Variants in PTPRN2 observed in about 807,000 individuals in gnomAD.
The protein encoded by PTPRN2 is receptor-type tyrosine-protein phosphatase N2.
Under a neutral mutation model 118.8 loss-of-function variants are expected in PTPRN2, and 74 were observed. The ratio of observed to expected loss-of-function variants is 0.62; its 90% confidence interval spans 0.52 to 0.76. The LOEUF is 0.76. Ranked by LOEUF, PTPRN2 falls within the 30% of genes least tolerant of loss-of-function variation. The pLI is 0.00. For missense variants in PTPRN2, 1,481 were observed against 1,394.4 expected (o/e 1.06, Z -0.99); for synonymous variants, 641 against 608.0 (o/e 1.05, Z -0.80).
Position 158,082,628 on chromosome 7 carries a change from G to T in PTPRN2, c.1644-1251C>A, listed in dbSNP as rs574495080. On this transcript the variant is annotated intron_variant, in intron 10 of 22. Transcript: ENST00000389418. ...CTTGAATCAGCGCCTGCTCTGAGGA[G>T]CAAACAGCATTCTAACCTTACGGAT... is the stretch of plus-strand genomic sequence containing the variant. Among the ~76,000 whole-genome samples, 14 of 152,342 alleles carry T rather than the reference G, an allele frequency of 9.2e-5. No individual in the cohort carries two copies. The South Asian group carries it at 2.9e-3, about 32-fold the overall frequency.
At chr7:157,685,432 C>T (rs960421497) in intron 12 of PTPRN2, among the ~76,000 whole-genome samples, 1 of 152,036 alleles carries the variant, frequency 6.6e-6, no homozygotes, top group African/African-American at 2.4e-5. Flanking sequence ...GCAGTGGCAC[C>T]CAGGCTGTGC....
chr7:158,080,341 A>AC (rs1812713487), intron 11 of PTPRN2, among the ~76,000 whole-genome samples: 1 of 101,552 alleles, frequency 9.8e-6, no homozygotes, highest in Non-Finnish European at 2.1e-5. Flanking sequence ...AAAAAAAAAA[A>AC]CAAGTTCATA....
chr7:157,827,937 G>A (rs1465748995), intron 12 of PTPRN2, among the ~76,000 whole-genome samples: 1 of 152,186 alleles, frequency 6.6e-6, no homozygotes, highest in African/African-American at 2.4e-5. Context: ...GAAGCCCCAG[G>A]ACACAGTTGG....
intron 1 of PTPRN2, among the ~76,000 whole-genome samples, chr7:158,582,645 A>G (rs1428377206): frequency 1.3e-5 from 2 of 152,124 alleles, no homozygotes; most frequent in East Asian, 3.9e-4. Flanking sequence ...AAACTTTTTT[A>G]AATTAGCCTG....
At chr7:157,675,433 C>G (rs954420502) in intron 13 of PTPRN2, among the ~76,000 whole-genome samples, 2 of 152,238 alleles carry the variant, frequency 1.3e-5, no homozygotes, top group Non-Finnish European at 2.9e-5. Context: ...CACCCGGGCG[C>G]CTTCTCCGAA....
intron 12 of PTPRN2, among the ~76,000 whole-genome samples, chr7:157,703,944 C>G (rs1798204335): frequency 6.6e-6 from 1 of 152,320 alleles, no homozygotes; most frequent in East Asian, 1.9e-4. Flanking sequence ...CACCGTGGGG[C>G]TCAGGGCCCT....
intron 2 of PTPRN2, among the ~76,000 whole-genome samples, chr7:158,456,252 C>A (rs116006236): frequency 3.6e-5 from 5 of 138,556 alleles, no homozygotes; most frequent in Non-Finnish European, 7.7e-5. Flanking sequence ...CGTAACGGCA[C>A]GGATGCCATC....
chr7:157,788,979 G>A (rs1265149954), intron 12 of PTPRN2, among the ~76,000 whole-genome samples: 2 of 152,202 alleles, frequency 1.3e-5, no homozygotes, highest in Non-Finnish European at 2.9e-5. Context: ...CGGAGCTCAC[G>A]CCCCTTCCTG....
chr7:158,057,505 T>C (rs1809882300), intron 11 of PTPRN2, among the ~76,000 whole-genome samples: 1 of 152,172 alleles, frequency 6.6e-6, no homozygotes, highest in African/African-American at 2.4e-5. Context: ...TCTCACCTGC[T>C]GGCCCCACAA....
intron 3 of PTPRN2, among the ~76,000 whole-genome samples, chr7:158,225,893 T>G (rs1198952532): frequency 9.9e-4 from 112 of 112,840 alleles, no homozygotes; most frequent in East Asian, 2.1e-3. Flanking sequence ...GGGAGGGAGG[T>G]GGGGGCAGTG....
At chr7:158,586,401 C>A (rs1828925662) in intron 1 of PTPRN2, among the ~76,000 whole-genome samples, 1 of 152,208 alleles carries the variant, frequency 6.6e-6, no homozygotes, top group African/African-American at 2.4e-5. Flanking sequence ...GGTGCCGGAG[C>A]CCAGCTGCAC....
At chr7:158,126,623 G>A (rs530367085) in intron 9 of PTPRN2, among the ~76,000 whole-genome samples, 66 of 100,288 alleles carry the variant, frequency 6.6e-4, no homozygotes, top group Middle Eastern at 6.4e-3. Context: ...ACCAGCCCCC[G>A]GAGAGCGGGC....
At chr7:157,678,442 C>A (rs1796770292) in intron 13 of PTPRN2, among the ~76,000 whole-genome samples, 1 of 152,136 alleles carries the variant, frequency 6.6e-6, no homozygotes, top group South Asian at 2.1e-4. Flanking sequence ...TCTTAAAGCC[C>A]CAGAGAATGA....
intron 2 of PTPRN2, among the ~76,000 whole-genome samples, chr7:158,428,554 A>G (rs1463111438): frequency 6.6e-6 from 1 of 152,232 alleles, no homozygotes. Flanking sequence ...GTCATTTAAC[A>G]CTATTCCACC....
chr7:157,657,785 A>G, intron 13 of PTPRN2, among the ~76,000 whole-genome samples: 1 of 124,896 alleles, frequency 8.0e-6, no homozygotes. Flanking sequence ...ACACATATAC[A>G]CACACAAACG....
chr7:157,655,476 ATAAT>A (rs1806010434), intron 14 of PTPRN2, among the ~76,000 whole-genome samples: 1 of 152,208 alleles, frequency 6.6e-6, no homozygotes, highest in African/African-American at 2.4e-5. Flanking sequence ...TTAGGCAAAA[ATAAT>A]TTTTAAAAAA....
intron 11 of PTPRN2, among the ~76,000 whole-genome samples, chr7:158,076,079 T>C (rs1812334044): frequency 6.6e-6 from 1 of 152,270 alleles, no homozygotes; most frequent in African/African-American, 2.4e-5. Context: ...TTCATCAGTC[T>C]GACAGGTGTC....
intron 1 of PTPRN2, among the ~76,000 whole-genome samples, chr7:158,554,883 C>T (rs1226198388): frequency 2.0e-5 from 3 of 152,158 alleles, no homozygotes; most frequent in Admixed American, 6.5e-5. Context: ...ATGGGGTTTT[C>T]GCTCCTGCCA....
chr7:158,166,996 G>A lies in PTPRN2; in HGVS notation c.845C>T (p.Pro282Leu), dbSNP rs773112862. 4 of 1,463,876 alleles carry A rather than the reference G, an allele frequency of 2.7e-6. No homozygotes were observed. The highest frequency in any genetic ancestry group is 3.6e-6 in the Non-Finnish European group (4 of 1,103,354). 90.7% of individuals were successfully genotyped at this position (1,463,876 alleles called of 1,614,324 possible). ...PSRMPRPLLA[P>L]AAPQKWPSPL... The stretch of plus-strand genomic sequence containing the variant: ...TGAAGGCCACTTCTGGGGGGCGGCT[G>A]GTGCCAGCAAAGGCCTGGGCATTCT... Residue 282 changes from proline (P) to leucine (L), a missense_variant, in exon 6 of 23, where the codon CCA (proline) becomes CTA (leucine). Pro to Leu is a moderately conservative substitution (Grantham distance 98). Transcript: ENST00000389418.
Sources: allele counts gnomAD v4.1 joint callset (sites outside exome capture counted in the v4.1 genomes callset), GRCh38; gene constraint gnomAD v4.1.1; transcripts MANE v1.5; gene names NCBI Gene and HGNC (gene_info 2026-07-23, HGNC 2026-07-21).